DOK3: variants seen among roughly 807,000 people sequenced by gnomAD.
The protein encoded by DOK3 is Dok-like protein.
Under a neutral mutation model 26.2 loss-of-function variants are expected in DOK3, and 23 were observed. The ratio of observed to expected loss-of-function variants is 0.88; its 90% confidence interval spans 0.63 to 1.24. The LOEUF (loss-of-function observed/expected upper bound fraction) is 1.24, where lower values mean the gene tolerates loss of function less well. Among genes scored for constraint, DOK3 ranks in the 50% most tolerant of loss-of-function variants. The pLI, the probability that DOK3 is intolerant of heterozygous loss-of-function variation, is 0.00. For missense variants in DOK3, 619 were observed against 610.6 expected, an observed-to-expected ratio of 1.01 and a Z score of -0.15; for synonymous variants, 268 against 268.2, an observed-to-expected ratio of 1.00 and a Z score of 0.01.
intron 3 of DOK3, among the ~76,000 whole-genome samples, chr5:177,505,987 C>G (rs1331531094): frequency 6.6e-6 from 1 of 151,624 alleles, no homozygotes; most frequent in African/African-American, 2.4e-5. Flanking sequence ...ATCCGCCTGT[C>G]TCGGCCTCCC....
rs1759585432 is a variant in DOK3 at position 177,503,532 on chromosome 5, C to T, written c.*451G>A. 1 of 1,419,112 alleles carries T rather than the reference C, an allele frequency of 7.0e-7. No homozygotes were observed. Among genetic ancestry groups the T allele is most frequent in the East Asian group, 2.5e-5 (1 of 39,836 alleles). The allele number at this position is 1,419,112 out of a possible 1,614,324, so 87.9% of individuals were successfully genotyped here. A position where few individuals can be genotyped will look rare whatever the true frequency, so the allele number is the denominator to read the frequency against. ...CTCCAGTTGGGCCCTCATGTTGCTC[C>T]TTCCTGAGTCTGACAAGTAAGCCTC... On this transcript the variant is annotated 3_prime_UTR_variant, in exon 6 of 6. Coordinates refer to ENST00000510898, the MANE Select transcript of DOK3 (RefSeq NM_001308236.3).
chr5:177,506,780 C>T (rs937522427), intron 3 of DOK3, among the ~76,000 whole-genome samples: 1 of 150,076 alleles, frequency 6.7e-6, no homozygotes, highest in East Asian at 2.0e-4. Context: ...CCTCTGCCTC[C>T]CAGGTTCAAG....
Position 177,503,848 on chromosome 5 carries a change from A to C in DOK3, c.*135T>G. ...GCAGGGCAGGGCTGAGGTCCTCCAC[A>C]GGCGGCCTGCCTTGTTCCTGCAGGC... On this transcript the variant is annotated 3_prime_UTR_variant, in exon 6 of 6. Transcript: ENST00000510898. The C allele has an allele frequency of 7.0e-7, 1 of 1,434,370 alleles. No individual in the cohort carries two copies. The highest frequency in any genetic ancestry group is 9.1e-7 in the Non-Finnish European group (1 of 1,098,832). 88.9% of individuals were successfully genotyped at this position (1,434,370 alleles called of 1,614,324 possible). A position where few individuals can be genotyped will look rare whatever the true frequency, so the allele number is the denominator to read the frequency against.
At chr5:177,509,721 C>T in intron 1 of DOK3, 37 bp downstream of exon 1, 3 of 1,610,828 alleles carry the variant, frequency 1.9e-6, no homozygotes, top group African/African-American at 1.3e-5. Context: ...TGTATTTCCT[C>T]CCTGGGGTTC....
upstream of DOK3, chr5:177,510,049 C>A (rs1463941467): frequency 5.6e-6 from 4 of 719,408 alleles, no homozygotes; most frequent in Non-Finnish European, 9.2e-6. Context: ...CTGCTCCTCT[C>A]CACCTCACGA....
upstream of DOK3, chr5:177,510,277 C>T (rs897886163): frequency 1.3e-5 from 3 of 228,742 alleles, no homozygotes; most frequent in East Asian, 2.2e-4. Context: ...CTGCCTGGGG[C>T]GGTTGGCCAC....
chr5:177,506,153 C>T (rs181633583), intron 3 of DOK3, among the ~76,000 whole-genome samples: 35 of 152,106 alleles, frequency 2.3e-4, no homozygotes, highest in Middle Eastern at 3.4e-3. Context: ...AGGGTTTTAC[C>T]ATATTGGGCA....
chr5:177,503,263 G>A lies in DOK3; in HGVS notation c.*720C>T, dbSNP rs984842989. 13 of 1,550,986 alleles carry A rather than the reference G, an allele frequency of 8.4e-6. No homozygotes were observed. Among genetic ancestry groups the A allele is most frequent in the East Asian group, 2.4e-5 (1 of 40,930 alleles). The stretch of plus-strand genomic sequence containing the variant: ...ACAGGACCAAGGCTGTCCTGAACAC[G>A]GCTGTGTCCCCCAGCGCCTGGCACT... On this transcript the variant is annotated 3_prime_UTR_variant, in exon 6 of 6. Coordinates refer to ENST00000510898, the MANE Select transcript of DOK3 (RefSeq NM_001308236.3).
Position 177,504,446 on chromosome 5 carries a change from ATCTCCCGAAGC to A in DOK3, c.849_859del (p.Glu283AspfsTer6). On this transcript the variant is annotated frameshift_variant, in exon 6 of 6. Transcript: ENST00000510898. LOFTEE classifies it low-confidence loss of function (END_TRUNC). ...CGTGGGTGGCTCAGGTCCTGGTGGC[ATCTCCCGAAGC>A]TCTCCGGGGGTGTCCAGGGAGGGCA... 6.3e-7 allele frequency: 1 copy of A among 1,576,740 alleles called. No individual in the cohort carries two copies. The highest frequency in any genetic ancestry group is 1.2e-5 in the South Asian group (1 of 85,512).
rs1304871382 is a variant in DOK3, at chr5:177,503,401, T to C, written c.*582A>G. On this transcript the variant is annotated 3_prime_UTR_variant, in exon 6 of 6. Coordinates refer to ENST00000510898, the MANE Select transcript of DOK3 (RefSeq NM_001308236.3). Reference sequence around the variant, plus strand: ...GGGGTTCCCAGAAGTATCTGCAAATTGTTGGAGTTTCAGCAGGGAACAAGT... The same window carrying C: ...GGGGTTCCCAGAAGTATCTGCAAATCGTTGGAGTTTCAGCAGGGAACAAGT... 1 of 1,531,970 alleles carries C rather than the reference T, an allele frequency of 6.5e-7. No individual in the cohort carries two copies. Among genetic ancestry groups the C allele is most frequent in the Admixed American group, 2.0e-5 (1 of 50,220 alleles). The allele number at this position is 1,531,970 out of a possible 1,614,324, so 94.9% of individuals were successfully genotyped here.
intron 3 of DOK3, 32 bp from the exon 4 acceptor site, chr5:177,505,142 C>A: frequency 6.4e-7 from 1 of 1,560,814 alleles, no homozygotes; most frequent in South Asian, 1.2e-5. Context: ...AAGGTGAGAG[C>A]ACCGCACTCC....
intron 3 of DOK3, 37 bp from the exon 4 acceptor site, chr5:177,505,147 C>T: frequency 3.9e-6 from 6 of 1,550,260 alleles, no homozygotes; most frequent in Non-Finnish European, 5.3e-6. Flanking sequence ...GAGAGCACCG[C>T]ACTCCCATGC....
At chr5:177,507,531 T>C (rs1760362525) in intron 3 of DOK3, among the ~76,000 whole-genome samples, 1 of 152,122 alleles carries the variant, frequency 6.6e-6, no homozygotes, top group African/African-American at 2.4e-5. Context: ...TACAGCTCAC[T>C]GCAGCCTCGA....
rs41275297 is a variant in DOK3 at position 177,509,645 on chromosome 5, C to T, written c.-105G>A. 0.018 allele frequency: 28,640 copies of T among 1,586,366 alleles called. 321 individuals carry two copies. The highest frequency in any genetic ancestry group is 0.04 in the African/African-American group (3,011 of 74,530). On this transcript the variant is annotated 5_prime_UTR_variant, in exon 2 of 6. Transcript: ENST00000510898. ...CCCTTCTGGCCACTTCCCGTCCCTC[C>T]GTCTAGAGACAGCTGCAGGCCGGGG... is the stretch of plus-strand genomic sequence containing the variant.
rs1561715216 is a variant in DOK3, at chr5:177,503,988, G to A, written c.1318C>T (p.Pro440Ser). Residue 440 changes from proline to serine, a missense_variant, in exon 6 of 6, where the codon CCC (proline) becomes TCC (serine). Physicochemically the swap from Pro to Ser is moderately conservative, Grantham distance 74. Transcript: ENST00000510898. ...RRKGPAPCDRP is the reference protein window; with the variant it reads ...RRKGPAPCDRS Reference sequence around the variant, plus strand: ...GCCACCACTCTGCTGGGCGTTCAGGGCCGGTCACAAGGGGCTGGGCCCTTC... The same window carrying A: ...GCCACCACTCTGCTGGGCGTTCAGGACCGGTCACAAGGGGCTGGGCCCTTC... The A allele has an allele frequency of 1.3e-6, 2 of 1,546,566 alleles. No homozygotes were observed. Among genetic ancestry groups the A allele is most frequent in the Non-Finnish European group, 1.7e-6 (2 of 1,146,520 alleles).
intron 3 of DOK3, among the ~76,000 whole-genome samples, chr5:177,506,815 G>C (rs563655574): frequency 4.0e-5 from 6 of 150,120 alleles, no homozygotes; most frequent in Non-Finnish European, 8.9e-5. Context: ...TCAGCCTCCC[G>C]AGTAGCTGGC....
Position 177,508,357 on chromosome 5 carries a change from G to A in DOK3, c.252C>T (p.Asp84=), listed in dbSNP as rs756218542. 42 of 1,600,564 alleles carry A rather than the reference G, an allele frequency of 2.6e-5. No individual in the cohort carries two copies. Among genetic ancestry groups the A allele is most frequent in the South Asian group, 3.3e-5 (3 of 90,572 alleles). ...LADCVSVLPA[D]GESCPRDTGA... ...CGGTGTCCCGGGGGCAGCTCTCGCCGTCAGCCGGCAGCACGGACACACAGT... is the reference window on the plus strand; with the variant it reads ...CGGTGTCCCGGGGGCAGCTCTCGCCATCAGCCGGCAGCACGGACACACAGT... The change falls in exon 3 of 6, where the codon GAC becomes GAT. Residue 84 remains aspartate (D), a synonymous_variant. Coordinates refer to ENST00000510898, the MANE Select transcript of DOK3 (RefSeq NM_001308236.3).
chr5:177,501,914 A>T lies in DOK3; in HGVS notation c.*2069T>A, dbSNP rs1759396742. 1 of 152,226 alleles carries T rather than the reference A, an allele frequency of 6.6e-6. No homozygotes were observed. The highest frequency in any genetic ancestry group is 2.4e-5 in the African/African-American group (1 of 41,452). The allele number at this position is 152,226 out of a possible 1,614,324, so 9.4% of individuals were successfully genotyped here. On this transcript the variant is annotated 3_prime_UTR_variant, in exon 6 of 6. Transcript: ENST00000510898. The stretch of plus-strand genomic sequence containing the variant: ...GCCCAGGCATGGGCATTTGATTTTT[A>T]AAATTTTTTATTTTCTTGGTAGATC...
At position 177,504,502 on chromosome 5, in the gene DOK3, G is replaced by A. The variant is rs1395654455; in HGVS notation, c.804C>T (p.Pro268=). ...LPELTRPQPC[P]LPRATSLPSL... is the part of the protein sequence containing the mutation. Reference sequence around the variant, plus strand: ...AGGGCAGAGAGGTGGCCCGTGGCAGGGGGCAGGGCTGGGGCCTGGTCAGCT... The same window carrying A: ...AGGGCAGAGAGGTGGCCCGTGGCAGAGGGCAGGGCTGGGGCCTGGTCAGCT... Residue 268 remains proline (P), a synonymous_variant, in exon 6 of 6, where the codon CCC becomes CCT. Transcript: ENST00000510898. 1.1e-5 allele frequency: 17 copies of A among 1,585,046 alleles called. No homozygotes were observed. The highest frequency in any genetic ancestry group is 1.4e-5 in the Non-Finnish European group (16 of 1,169,040).
Sources: gnomAD v4.1 joint callset for allele counts (sites outside exome capture counted in the v4.1 genomes callset) on GRCh38, gnomAD v4.1.1 for gene constraint, MANE v1.5 for transcripts, NCBI Gene and HGNC (gene_info 2026-07-23, HGNC 2026-07-21) for gene names.